Variants in NELL1 observed in about 807,000 individuals in gnomAD.
NELL1 encodes protein kinase C-binding protein NELL1.
A neutral mutation model predicts 107.4 loss-of-function variants in NELL1; 76 were observed. The observed-to-expected ratio is 0.71, with a 90% CI of 0.59 to 0.86. The LOEUF (loss-of-function observed/expected upper bound fraction) is 0.86, where lower values mean the gene tolerates loss of function less well. Ranked by LOEUF, NELL1 falls within the 40% of genes least tolerant of loss-of-function variation. The pLI, the probability that NELL1 is intolerant of heterozygous loss-of-function variation, is 0.00. For missense variants in NELL1, 1,024 were observed against 1,005.5 expected, an observed-to-expected ratio of 1.02 and a Z score of -0.25; for synonymous variants, 353 against 341.2, an observed-to-expected ratio of 1.03 and a Z score of -0.38.
intron 13 of NELL1, among the ~76,000 whole-genome samples, chr11:21,190,330 C>T (rs866607758): frequency 5.9e-5 from 9 of 151,662 alleles, no homozygotes; most frequent in Admixed American, 2.6e-4. Context: ...CCAGCCTGGG[C>T]GATAGAGTGA....
At chr11:21,324,350 T>A (rs1286967787) in intron 14 of NELL1, among the ~76,000 whole-genome samples, 1 of 152,100 alleles carries the variant, frequency 6.6e-6, no homozygotes, top group African/African-American at 2.4e-5. Flanking sequence ...AATTATCTTA[T>A]TAAGTGTTTC....
chr11:20,946,019 G>T (rs1386172586), intron 10 of NELL1, among the ~76,000 whole-genome samples: 1 of 152,224 alleles, frequency 6.6e-6, no homozygotes, highest in Non-Finnish European at 1.5e-5. Context: ...TCTGAGAAAG[G>T]AGAGGAAGCC....
chr11:21,502,370 A>G (rs958735216), intron 15 of NELL1, among the ~76,000 whole-genome samples: 4 of 152,178 alleles, frequency 2.6e-5, no homozygotes, highest in Non-Finnish European at 5.9e-5. Context: ...TGATCTTTTC[A>G]TTGCAAAATG....
chr11:20,726,053 A>G (rs987705245), intron 2 of NELL1, among the ~76,000 whole-genome samples: 2 of 152,152 alleles, frequency 1.3e-5, no homozygotes, highest in Non-Finnish European at 2.9e-5. Flanking sequence ...AGCTGCATCC[A>G]TGTTGCTGCA....
At chr11:20,828,054 A>G (rs1248086241) in intron 3 of NELL1, among the ~76,000 whole-genome samples, 1 of 151,278 alleles carries the variant, frequency 6.6e-6, no homozygotes, top group Non-Finnish European at 1.5e-5. Flanking sequence ...CAGAAAGGGC[A>G]TCTTTAGTAT....
chr11:20,788,006 G>A (rs1896935), intron 3 of NELL1, among the ~76,000 whole-genome samples: 2,747 of 150,132 alleles, frequency 0.018, 30 homozygotes, highest in South Asian at 0.034. Context: ...TAATGCTTTC[G>A]AGGTTCATTC....
intron 14 of NELL1, chr11:21,284,432 G>A (rs1849067545): frequency 2.2e-6 from 1 of 457,686 alleles, no homozygotes; most frequent in African/African-American, 2.0e-5. Context: ...ATGCAAAAAA[G>A]TGATGGCTGT....
At chr11:21,386,180 C>A (rs192599781) in intron 15 of NELL1, among the ~76,000 whole-genome samples, 1,797 of 150,922 alleles carry the variant, frequency 0.012, 13 homozygotes, top group Middle Eastern at 0.031. Flanking sequence ...CCCCCACCCC[C>A]GCCAAAAAAA....
At chr11:20,996,920 C>T (rs7928474) in intron 12 of NELL1, among the ~76,000 whole-genome samples, 4,279 of 152,268 alleles carry the variant, frequency 0.028, 161 homozygotes, top group African/African-American at 0.089. Context: ...ATATCCTCCA[C>T]TGGAATGGCT....
In NELL1 at chr11:21,218,220, A is replaced by C. The variant is rs1041949628; in HGVS notation, c.1427-11112A>C. ...GGGGACTATAATTGATTCTAAGCAA[A>C]TATTTCTTTGGACCTGCAAAGAGGC... On this transcript the variant is annotated intron_variant, in intron 13 of 19. Coordinates refer to ENST00000357134, the MANE Select transcript of NELL1 (RefSeq NM_006157.5). 3.9e-4 allele frequency among the ~76,000 whole-genome samples: 60 copies of C among 152,106 alleles called. 1 individual carries two copies. Among genetic ancestry groups the C allele is most frequent in the African/African-American group, 1.4e-3 (57 of 41,424 alleles).
intron 5 of NELL1, among the ~76,000 whole-genome samples, chr11:20,889,848 C>T (rs953531651): frequency 6.6e-6 from 1 of 152,154 alleles, no homozygotes; most frequent in Admixed American, 6.5e-5. Context: ...GGACAGAATT[C>T]GGATTTCCCT....
rs200468697 is a variant in NELL1 at position 20,700,812 on chromosome 11, TCCATGTC to T, written c.184+22755_184+22761del. On this transcript the variant is annotated intron_variant, in intron 2 of 19. Transcript: ENST00000357134. ...CTGAGAATGATGGTTTCCAGTTTCA[TCCATGTC>T]CCTACAAAGGACATGAACTTATCCT... Among the ~76,000 whole-genome samples, 1,403 of 152,274 alleles carry T rather than the reference TCCATGTC, an allele frequency of 9.2e-3. 21 individuals carry two copies. Among genetic ancestry groups the T allele is most frequent in the Admixed American group, 0.035 (539 of 15,290 alleles).
intron 2 of NELL1, among the ~76,000 whole-genome samples, chr11:20,699,109 C>T (rs548317763): frequency 4.0e-5 from 6 of 151,386 alleles, no homozygotes; most frequent in Non-Finnish European, 5.9e-5. Flanking sequence ...CCTAGCTACT[C>T]GGGAGGTTGA....
chr11:20,902,127 TA>T, intron 5 of NELL1, among the ~76,000 whole-genome samples: 1 of 151,708 alleles, frequency 6.6e-6, no homozygotes, highest in Non-Finnish European at 1.5e-5. Context: ...TTAGACAAGA[TA>T]AAAAAATGCA....
intron 13 of NELL1, among the ~76,000 whole-genome samples, chr11:21,208,961 T>G (rs1857444082): frequency 1.3e-5 from 2 of 152,144 alleles, no homozygotes; most frequent in Admixed American, 1.3e-4. Flanking sequence ...TCAGCAGGGC[T>G]TTTGACCTCC....
chr11:21,135,359 C>A (rs1425577737), intron 13 of NELL1, among the ~76,000 whole-genome samples: 1 of 152,228 alleles, frequency 6.6e-6, no homozygotes, highest in African/African-American at 2.4e-5. Flanking sequence ...AGAACTCAGG[C>A]AGAGAAGTGT....
chr11:21,220,912 A>G (rs1039050209), intron 13 of NELL1, among the ~76,000 whole-genome samples: 3 of 152,120 alleles, frequency 2.0e-5, no homozygotes, highest in Non-Finnish European at 4.4e-5. Flanking sequence ...TATGTTGACT[A>G]GCAGTGCTAA....
At chr11:21,452,426 T>G (rs558316565) in intron 15 of NELL1, among the ~76,000 whole-genome samples, 63 of 152,282 alleles carry the variant, frequency 4.1e-4, no homozygotes, top group Admixed American at 1.4e-3. Context: ...GTAGCTATAT[T>G]CTTTCAAGGA....
chr11:21,048,586 G>A (rs1339318076), intron 12 of NELL1, among the ~76,000 whole-genome samples: 1 of 151,958 alleles, frequency 6.6e-6, no homozygotes, highest in Non-Finnish European at 1.5e-5. Context: ...TAATTTTCTG[G>A]CACCTGTGAC....
Sources: gnomAD v4.1 joint callset for allele counts (sites outside exome capture counted in the v4.1 genomes callset) on GRCh38, gnomAD v4.1.1 for gene constraint, MANE v1.5 for transcripts, NCBI Gene and HGNC (gene_info 2026-07-23, HGNC 2026-07-21) for gene names.